Variants in DMD observed in about 807,000 individuals in gnomAD.
DMD encodes the protein dystrophin, also known as mutant dystrophin.
In DMD, 63 loss-of-function variants were observed where a neutral mutation model predicts 330.1. The observed-to-expected ratio is 0.19, with a 90% CI of 0.16 to 0.24. DMD has a LOEUF of 0.24. Ranked by LOEUF, DMD falls within the 10% of genes least tolerant of loss-of-function variation. The pLI, the probability that DMD is intolerant of heterozygous loss-of-function variation, is 1.00. For synonymous variants in DMD, 1,223 were observed against 959.8 expected, an observed-to-expected ratio of 1.27 and a Z score of -5.07; for missense variants, 3,344 against 2,684.1, an observed-to-expected ratio of 1.25 and a Z score of -5.43.
At chrX:31,894,437 C>T (rs2094303250) in intron 47 of DMD, among the ~76,000 whole-genome samples, 1 of 111,716 alleles carries the variant, frequency 9.0e-6, no homozygotes, top group Non-Finnish European at 1.9e-5. Context: ...ACATTTTAGG[C>T]TCTGGTTTCC....
intron 45 of DMD, among the ~76,000 whole-genome samples, chrX:31,961,419 T>C (rs1217722220): frequency 1.8e-5 from 2 of 112,265 alleles, no homozygotes; most frequent in South Asian, 3.7e-4. Context: ...AAGTACTTAC[T>C]GGCCATCTAC....
intron 51 of DMD, among the ~76,000 whole-genome samples, chrX:31,754,342 G>A (rs2149142102): frequency 9.0e-6 from 1 of 111,265 alleles, no homozygotes; most frequent in East Asian, 2.8e-4. Context: ...GCTTGTAATT[G>A]CTTTTGAATT....
chrX:32,500,706 C>CT (rs1160232153), intron 19 of DMD, among the ~76,000 whole-genome samples: 1 of 111,618 alleles, frequency 9.0e-6, no homozygotes, highest in Non-Finnish European at 1.9e-5. Flanking sequence ...TTTTCATTAC[C>CT]TGTTCTTAAA....
chrX:33,211,869 G>A (rs887578875), upstream of DMD, among the ~76,000 whole-genome samples: 1 of 112,098 alleles, frequency 8.9e-6, no homozygotes, highest in Non-Finnish European at 1.9e-5. Context: ...CAGAAAATCC[G>A]GATTCAAAAT....
chrX:31,370,899 A>C (rs1184502657), intron 60 of DMD, among the ~76,000 whole-genome samples: 1 of 112,301 alleles, frequency 8.9e-6, no homozygotes. Flanking sequence ...CTAGGGAATT[A>C]TGTTGAGTGA....
At chrX:33,266,396 A>G (rs1603426658) in intron 1 of DMD, among the ~76,000 whole-genome samples, 1 of 112,110 alleles carries the variant, frequency 8.9e-6, no homozygotes, top group South Asian at 3.7e-4. Flanking sequence ...TGTTCTCTAT[A>G]GAAAACCAAA....
At chrX:31,174,181 T>G (rs1207540528) in intron 71 of DMD, among the ~76,000 whole-genome samples, 3 of 111,506 alleles carry the variant, frequency 2.7e-5, no homozygotes, top group African/African-American at 6.5e-5. Context: ...TACCACTAAT[T>G]TCTAGCACAA....
At chrX:32,841,700 G>A (rs1016915813) in intron 4 of DMD, among the ~76,000 whole-genome samples, 1 of 111,684 alleles carries the variant, frequency 9.0e-6, no homozygotes, top group Non-Finnish European at 1.9e-5. Flanking sequence ...TCAATTTCAG[G>A]TAAAACAGAT....
At chrX:32,689,330 T>A (rs2063107340) in intron 9 of DMD, among the ~76,000 whole-genome samples, 1 of 110,602 alleles carries the variant, frequency 9.0e-6, no homozygotes, top group Admixed American at 9.7e-5. Flanking sequence ...ATGGTTAAAT[T>A]CCTAGAAACA....
At chrX:31,887,617 C>CA (rs1322173754) in intron 47 of DMD, among the ~76,000 whole-genome samples, 12 of 112,129 alleles carry the variant, frequency 1.1e-4, no homozygotes, top group African/African-American at 3.9e-4. Flanking sequence ...TCCACCTCCT[C>CA]AGAGAAGATT....
At chrX:31,904,968 G>T (rs2094461963) in intron 47 of DMD, among the ~76,000 whole-genome samples, 1 of 111,805 alleles carries the variant, frequency 8.9e-6, no homozygotes, top group Non-Finnish European at 1.9e-5. Flanking sequence ...TGGTGAAGTT[G>T]TAGGGTTTTC....
intron 62 of DMD, among the ~76,000 whole-genome samples, chrX:31,293,203 T>TTG (rs2053867207): frequency 6.5e-5 from 3 of 45,871 alleles, no homozygotes; most frequent in Non-Finnish European, 7.4e-5. Context: ...TAGTCTGGTT[T>TTG]AGTGTGTGTG....
At chrX:31,194,697 C>T (rs1472333124) in intron 67 of DMD, among the ~76,000 whole-genome samples, 2 of 111,713 alleles carry the variant, frequency 1.8e-5, no homozygotes, top group African/African-American at 6.5e-5. Flanking sequence ...GGTTGGAAAC[C>T]GTTATTTCTC....
At chrX:32,391,034 T>C (rs1800420451) in intron 30 of DMD, among the ~76,000 whole-genome samples, 5 of 111,873 alleles carry the variant, frequency 4.5e-5, no homozygotes, top group Admixed American at 3.8e-4. Flanking sequence ...GATCAAGTTC[T>C]ATAGTAAAGT....
chrX:31,579,199 T>C (rs1003700819), intron 55 of DMD, among the ~76,000 whole-genome samples: 6 of 112,357 alleles, frequency 5.3e-5, no homozygotes, highest in African/African-American at 9.7e-5. Flanking sequence ...GACCAGAAGA[T>C]GTTTCCAAGA....
intron 45 of DMD, among the ~76,000 whole-genome samples, chrX:31,942,982 A>G (rs1201958682): frequency 8.9e-6 from 1 of 112,305 alleles, no homozygotes; most frequent in South Asian, 3.7e-4. Flanking sequence ...AAATTCAACC[A>G]GGGAAAGCTA....
chrX:33,329,766 A>G (rs900363287), intron 1 of DMD, among the ~76,000 whole-genome samples: 1 of 111,783 alleles, frequency 8.9e-6, no homozygotes, highest in Non-Finnish European at 1.9e-5. Context: ...AGTATTGACT[A>G]GGAAGTGGTA....
chrX:33,293,493 A>C (rs1158680291), intron 1 of DMD, among the ~76,000 whole-genome samples: 1 of 111,569 alleles, frequency 9.0e-6, no homozygotes, highest in Non-Finnish European at 1.9e-5. Context: ...TCCAAGTAAC[A>C]GTGAGAAATA....
intron 43 of DMD, among the ~76,000 whole-genome samples, chrX:32,229,917 T>C (rs2087318078): frequency 9.3e-6 from 1 of 107,323 alleles, no homozygotes; most frequent in Non-Finnish European, 1.9e-5. Flanking sequence ...CTATAGGCAC[T>C]ATGCTGTATA....
Sources: gnomAD v4.1 joint callset for allele counts (sites outside exome capture counted in the v4.1 genomes callset) on GRCh38, gnomAD v4.1.1 for gene constraint, MANE v1.5 for transcripts, NCBI Gene and HGNC (gene_info 2026-07-23, HGNC 2026-07-21) for gene names.